PTPRR: variants seen among roughly 807,000 people sequenced by gnomAD.
PTPRR encodes the protein receptor-type tyrosine-protein phosphatase R.
Under a neutral mutation model 77.2 loss-of-function variants are expected in PTPRR, and 38 were observed. That is an observed-to-expected ratio of 0.49 (90% CI 0.38 to 0.65). The LOEUF (loss-of-function observed/expected upper bound fraction) is 0.65. Ranked by LOEUF, PTPRR falls within the 30% of genes least tolerant of loss-of-function variation. The pLI is 0.00. For synonymous variants in PTPRR, 299 were observed against 283.1 expected (o/e 1.06, Z -0.57); for missense variants, 744 against 799.2 (o/e 0.93, Z 0.83).
intron 2 of PTPRR, among the ~76,000 whole-genome samples, chr12:70,771,181 T>G (rs563979694): frequency 6.7e-6 from 1 of 149,226 alleles, no homozygotes; most frequent in Non-Finnish European, 1.5e-5. Context: ...AAAATAAAAA[T>G]AAAAAGATGT....
chr12:70,920,275 G>T, intron 1 of PTPRR, 58 bp downstream of exon 1: 3 of 1,541,668 alleles, frequency 1.9e-6, no homozygotes, highest in South Asian at 1.1e-5. Flanking sequence ...GAGTCCTTAA[G>T]CATGTGCAGT....
chr12:70,667,228 T>C (rs1483419430), intron 10 of PTPRR, among the ~76,000 whole-genome samples: 2 of 152,176 alleles, frequency 1.3e-5, no homozygotes, highest in East Asian at 3.9e-4. Context: ...AGTGCTAGGA[T>C]TGCAGGCATG....
At chr12:70,746,621 G>T (rs529741896) in intron 5 of PTPRR, among the ~76,000 whole-genome samples, 5 of 151,866 alleles carry the variant, frequency 3.3e-5, no homozygotes, top group Non-Finnish European at 5.9e-5. Flanking sequence ...TAAATTTAGG[G>T]TATCTATGAA....
intron 8 of PTPRR, among the ~76,000 whole-genome samples, chr12:70,685,425 C>A (rs932449006): frequency 7.0e-6 from 1 of 143,786 alleles, no homozygotes; most frequent in Admixed American, 7.4e-5. Context: ...CAGGAGGATC[C>A]CTTGAGCCTG....
intron 2 of PTPRR, among the ~76,000 whole-genome samples, chr12:70,823,253 C>T (rs1190338932): frequency 6.6e-6 from 1 of 151,504 alleles, no homozygotes; most frequent in Non-Finnish European, 1.5e-5. Context: ...AAGAGTGAAA[C>T]AAAAGAGATT....
intron 2 of PTPRR, among the ~76,000 whole-genome samples, chr12:70,828,866 CATGA>C (rs937771656): frequency 4.6e-5 from 7 of 152,166 alleles, no homozygotes; most frequent in African/African-American, 1.7e-4. Context: ...GGGGACTCAA[CATGA>C]AAGCCAGGTC....
At chr12:70,665,035 G>A (rs933674364) in intron 10 of PTPRR, among the ~76,000 whole-genome samples, 1 of 152,146 alleles carries the variant, frequency 6.6e-6, no homozygotes, top group African/African-American at 2.4e-5. Context: ...AAAAGAGGCA[G>A]AAAAGGCAGG....
At chr12:70,844,938 A>T (rs1472409405) in intron 2 of PTPRR, among the ~76,000 whole-genome samples, 1 of 152,226 alleles carries the variant, frequency 6.6e-6, no homozygotes, top group Non-Finnish European at 1.5e-5. Flanking sequence ...CAAAAATAAT[A>T]ATCAATACAT....
At chr12:70,670,309 AT>A (rs1887174385) in intron 10 of PTPRR, among the ~76,000 whole-genome samples, 1 of 152,156 alleles carries the variant, frequency 6.6e-6, no homozygotes, top group African/African-American at 2.4e-5. Flanking sequence ...TAATGTCTTA[AT>A]TCTTTATTTG....
intron 6 of PTPRR, among the ~76,000 whole-genome samples, chr12:70,711,222 G>A (rs1371585198): frequency 1.3e-5 from 2 of 152,040 alleles, no homozygotes; most frequent in African/African-American, 4.8e-5. Context: ...AAAAAAGAAC[G>A]AGATTATGTC....
At chr12:70,823,963 G>C (rs1179524320) in intron 2 of PTPRR, among the ~76,000 whole-genome samples, 1 of 152,214 alleles carries the variant, frequency 6.6e-6, no homozygotes, top group Non-Finnish European at 1.5e-5. Context: ...CAATTGAGCA[G>C]TGAGGGAGAC....
chr12:70,737,486 A>ATATATCTATCTATCTATC (rs1555171433), intron 6 of PTPRR, among the ~76,000 whole-genome samples: 30 of 144,242 alleles, frequency 2.1e-4, no homozygotes, highest in African/African-American at 7.5e-4. Flanking sequence ...TATTTAATGA[A>ATATATCTATCTATCTATC]TATCTATCTA....
At chr12:70,654,236 C>T (rs1481390024) in intron 13 of PTPRR, among the ~76,000 whole-genome samples, 2 of 152,028 alleles carry the variant, frequency 1.3e-5, no homozygotes, top group Non-Finnish European at 2.9e-5. Flanking sequence ...AATGCCAGGA[C>T]ATAGCACATA....
chr12:70,759,692 A>AC (rs1314585073), intron 4 of PTPRR, among the ~76,000 whole-genome samples: 2 of 149,904 alleles, frequency 1.3e-5, no homozygotes, highest in East Asian at 1.9e-4. Context: ...AAAAAAAAAA[A>AC]AAAAAAAAAA....
chr12:70,908,667 G>A (rs993201725), intron 1 of PTPRR, among the ~76,000 whole-genome samples: 4 of 152,140 alleles, frequency 2.6e-5, no homozygotes, highest in Admixed American at 2.6e-4. Flanking sequence ...CAGCCAAACC[G>A]TATCAATGGG....
chr12:70,827,000 C>G (rs1444305606), intron 2 of PTPRR, among the ~76,000 whole-genome samples: 1 of 152,160 alleles, frequency 6.6e-6, no homozygotes, highest in Non-Finnish European at 1.5e-5. Context: ...AAGCCATTTA[C>G]AGTGGGCTCC....
At chr12:70,668,278 A>AGAAGAGGAGGAAGAG (rs990570327) in intron 10 of PTPRR, among the ~76,000 whole-genome samples, 4 of 151,802 alleles carry the variant, frequency 2.6e-5, no homozygotes, top group African/African-American at 9.7e-5. Flanking sequence ...AAGAGGAGGA[A>AGAAGAGGAGGAAGAG]GAGGAGGAGG....
chr12:70,760,021 C>A (rs905375002), intron 4 of PTPRR, among the ~76,000 whole-genome samples: 3 of 152,068 alleles, frequency 2.0e-5, no homozygotes, highest in African/African-American at 4.8e-5. Flanking sequence ...CAGAGAGAGG[C>A]GCAAAACCAA....
chr12:70,724,754 C>T (rs1889375838), intron 6 of PTPRR, among the ~76,000 whole-genome samples: 1 of 151,876 alleles, frequency 6.6e-6, no homozygotes, highest in Non-Finnish European at 1.5e-5. Context: ...TTAGCAGTTA[C>T]TAGAGGTGTA....
Sources: gnomAD v4.1 joint callset for allele counts (sites outside exome capture counted in the v4.1 genomes callset) on GRCh38, gnomAD v4.1.1 for gene constraint, MANE v1.5 for transcripts, NCBI Gene and HGNC (gene_info 2026-07-23, HGNC 2026-07-21) for gene names.